ARHGEF10L: variants seen among roughly 807,000 people sequenced by gnomAD.
ARHGEF10L encodes the protein Rho guanine nucleotide exchange factor 10 like, also known as rho guanine nucleotide exchange factor 10-like protein.
Under a neutral mutation model 141.2 loss-of-function variants are expected in ARHGEF10L, and 69 were observed. The observed-to-expected ratio is 0.49, with a 90% CI of 0.40 to 0.60. The LOEUF is 0.60. Among genes scored for constraint, ARHGEF10L ranks in the 20% least tolerant of loss-of-function variants. The pLI, the probability that ARHGEF10L is intolerant of heterozygous loss-of-function variation, is 0.00. For missense variants in ARHGEF10L, 1,482 were observed against 1,734.3 expected (o/e 0.85, Z 2.58); for synonymous variants, 711 against 718.5 (o/e 0.99, Z 0.17).
At chr1:17,575,162 G>A (rs1241259843) in intron 1 of ARHGEF10L, among the ~76,000 whole-genome samples, 1 of 152,198 alleles carries the variant, frequency 6.6e-6, no homozygotes, top group Non-Finnish European at 1.5e-5. Context: ...CCCCCAGAGA[G>A]GTCACAGGCT....
chr1:17,530,844 C>T, the ARHGEF10L span, among the ~76,000 whole-genome samples: 7 of 151,052 alleles, frequency 4.6e-5, no homozygotes, highest in East Asian at 9.8e-4. Flanking sequence ...GTGAAAACCC[C>T]GAATACAAAA....
At chr1:17,680,587 C>T (rs2064045354) in intron 26 of ARHGEF10L, among the ~76,000 whole-genome samples, 1 of 152,104 alleles carries the variant, frequency 6.6e-6, no homozygotes, top group African/African-American at 2.4e-5. Flanking sequence ...TTCCAGGTCA[C>T]AGTGCGCCAA....
the ARHGEF10L span, among the ~76,000 whole-genome samples, chr1:17,528,272 G>T: frequency 1.3e-5 from 2 of 151,602 alleles, no homozygotes; most frequent in African/African-American, 4.8e-5. Flanking sequence ...CCCCAGGCTG[G>T]AGTACAGTGG....
chr1:17,544,702 G>T (rs2800684), intron 1 of ARHGEF10L, among the ~76,000 whole-genome samples: 1 of 151,950 alleles, frequency 6.6e-6, no homozygotes, highest in Non-Finnish European at 1.5e-5. Context: ...GTGTGTGTGC[G>T]TTGGGGAGTG....
rs145733529 is a variant in ARHGEF10L, at chr1:17,609,112, C to T, written c.609+1135C>T. Among the ~76,000 whole-genome samples the T allele has an allele frequency of 8.2e-4, 125 of 152,256 alleles. 3 individuals are homozygous for T. The East Asian group carries it at 0.017, about 21-fold the overall frequency. On this transcript the variant is annotated intron_variant, in intron 7 of 28. Transcript: ENST00000361221. ...GCTCCTTTTAAAAGATGTAGCGGGG[C>T]GGGAGAGCTCCACCTGGGGCCATTC...
At chr1:17,628,736 G>T (rs1285221405) in intron 15 of ARHGEF10L, among the ~76,000 whole-genome samples, 1 of 152,224 alleles carries the variant, frequency 6.6e-6, no homozygotes, top group Non-Finnish European at 1.5e-5. Context: ...CCAGGAGGGA[G>T]GTTTCAGCAG....
Position 17,637,970 on chromosome 1 carries a change from G to T in ARHGEF10L, c.2010G>T (p.Thr670=). 1 of 1,598,702 alleles carries T rather than the reference G, an allele frequency of 6.3e-7. No homozygotes were observed. The highest frequency in any genetic ancestry group is 8.5e-7 in the Non-Finnish European group (1 of 1,172,650). Residue 670 remains threonine, a synonymous_variant, in exon 19 of 29, where the codon ACG becomes ACT. Coordinates refer to ENST00000361221, the MANE Select transcript of ARHGEF10L (RefSeq NM_018125.4). ...ACCTGGCCGTGGTGGAGCAGATCACGCTTCTCATCAGCACGCTGCACGGCA... is the reference window on the plus strand; with the variant it reads ...ACCTGGCCGTGGTGGAGCAGATCACTCTTCTCATCAGCACGCTGCACGGCA... ...QKDLAVVEQI[T]LLISTLHGTY...
chr1:17,617,207 G>C (rs1322410722), intron 9 of ARHGEF10L, among the ~76,000 whole-genome samples: 1 of 152,228 alleles, frequency 6.6e-6, no homozygotes, highest in Non-Finnish European at 1.5e-5. Context: ...AACCCCATTA[G>C]AGGGTTTTAC....
chr1:17,659,360 G>C (rs774518067), intron 25 of ARHGEF10L, among the ~76,000 whole-genome samples: 1 of 152,198 alleles, frequency 6.6e-6, no homozygotes, highest in Non-Finnish European at 1.5e-5. Context: ...TGTGTTCTCA[G>C]GACCTGCTAC....
At chr1:17,551,200 C>T (rs1415331827) in intron 1 of ARHGEF10L, among the ~76,000 whole-genome samples, 4 of 152,144 alleles carry the variant, frequency 2.6e-5, no homozygotes, top group Non-Finnish European at 1.5e-5. Flanking sequence ...CTCCTCCCAA[C>T]ACATATTTAC....
At chr1:17,679,517 T>C (rs112234419) in intron 26 of ARHGEF10L, among the ~76,000 whole-genome samples, 2,071 of 152,268 alleles carry the variant, frequency 0.014, 50 homozygotes, top group Admixed American at 0.061. Context: ...CGGGTAGGAC[T>C]GGTCACCCTA....
At chr1:17,653,131 C>T (rs2062027428) in intron 22 of ARHGEF10L, among the ~76,000 whole-genome samples, 1 of 152,198 alleles carries the variant, frequency 6.6e-6, no homozygotes, top group Admixed American at 6.5e-5. Context: ...CTTTCCCTCT[C>T]CAGTCCCCAC....
Position 17,634,547 on chromosome 1 carries a change from G to A in ARHGEF10L, c.1731-1G>A, listed in dbSNP as rs1261282974. On this transcript the variant is annotated splice_acceptor_variant, in intron 16 of 28. Coordinates refer to ENST00000361221, the MANE Select transcript of ARHGEF10L (RefSeq NM_018125.4). LOFTEE classifies it high-confidence loss of function. ...CCTTTCCTTCTTGTCTTTTTTCCCA[G>A]GCCTGCCAACCACAGGTACGTGGTT... The A allele has an allele frequency of 6.2e-7, 1 of 1,614,020 alleles. No homozygotes were observed. The highest frequency in any genetic ancestry group is 1.1e-5 in the South Asian group (1 of 91,066).
At chr1:17,668,997 G>A (rs1298241397) in intron 26 of ARHGEF10L, among the ~76,000 whole-genome samples, 1 of 152,220 alleles carries the variant, frequency 6.6e-6, no homozygotes, top group African/African-American at 2.4e-5. Context: ...TGGAGCCGGG[G>A]CTGCTGCTGC....
chr1:17,574,579 G>T (rs1020379740), intron 1 of ARHGEF10L, among the ~76,000 whole-genome samples: 3 of 152,216 alleles, frequency 2.0e-5, no homozygotes, highest in Admixed American at 6.5e-5. Context: ...CTTCGGAGTG[G>T]GGCTGCTGGA....
intron 25 of ARHGEF10L, among the ~76,000 whole-genome samples, 187 bp from the exon 26 acceptor site, chr1:17,664,260 G>A (rs1350824584): frequency 1.3e-5 from 2 of 152,186 alleles, no homozygotes; most frequent in African/African-American, 4.8e-5. Context: ...GCTGGGTGTG[G>A]GACATGAATG....
intron 25 of ARHGEF10L, among the ~76,000 whole-genome samples, chr1:17,658,781 G>T (rs1176730869): frequency 6.6e-6 from 1 of 150,992 alleles, no homozygotes; most frequent in Non-Finnish European, 1.5e-5. Context: ...CCGACGGAAA[G>T]GAAAGAGTGT....
At chr1:17,606,600 CT>C (rs35330278) in intron 6 of ARHGEF10L, among the ~76,000 whole-genome samples, 20,336 of 143,694 alleles carry the variant, frequency 0.14, 1,470 homozygotes, top group African/African-American at 0.18. Context: ...AGTCAGATTC[CT>C]TTTTTTTTTT....
chr1:17,679,321 A>G (rs558761011), intron 26 of ARHGEF10L, among the ~76,000 whole-genome samples: 1 of 152,128 alleles, frequency 6.6e-6, no homozygotes, highest in Non-Finnish European at 1.5e-5. Flanking sequence ...ACCAGGTCAG[A>G]CTCTGAGGGC....
Sources: allele counts gnomAD v4.1 joint callset (sites outside exome capture counted in the v4.1 genomes callset), GRCh38; gene constraint gnomAD v4.1.1; transcripts MANE v1.5; gene names NCBI Gene and HGNC (gene_info 2026-07-23, HGNC 2026-07-21).